Variants in NFKBID observed in about 807,000 individuals in gnomAD.
NFKBID encodes NFKB inhibitor delta, also known as NF-kappa-B inhibitor delta.
NFKBID carries 26 observed loss-of-function variants against 53.4 expected under a neutral mutation model. The observed-to-expected ratio is 0.49, with a 90% CI of 0.36 to 0.68. The LOEUF (loss-of-function observed/expected upper bound fraction) is 0.68. Ranked by LOEUF, NFKBID falls within the 30% of genes least tolerant of loss-of-function variation. The pLI is 0.00. For missense variants in NFKBID, 493 were observed against 614.1 expected (o/e 0.80, Z 2.08); for synonymous variants, 262 against 259.8 (o/e 1.01, Z -0.08).
exon 2 of NFKBID, chr19:35,898,814 C>G: frequency 3.3e-6 from 5 of 1,535,926 alleles, no homozygotes; most frequent in Non-Finnish European, 3.5e-6. Context: ...CTGCGCTCAC[C>G]CCTGCTCACT....
intron 9 of NFKBID, 140 bp downstream of exon 9, chr19:35,895,840 G>A: frequency 2.8e-6 from 2 of 722,312 alleles, no homozygotes; most frequent in Non-Finnish European, 2.3e-6. Context: ...AACCCCTAAG[G>A]CACAGAGAAG....
intron 9 of NFKBID, among the ~76,000 whole-genome samples, chr19:35,893,046 G>T (rs1172850512): frequency 2.0e-5 from 3 of 152,072 alleles, no homozygotes; most frequent in African/African-American, 7.2e-5. Flanking sequence ...GCTCATGCCT[G>T]TAGTCCCAGC....
upstream of NFKBID, chr19:35,900,692 A>G (rs900684445): frequency 8.4e-7 from 1 of 1,187,956 alleles, no homozygotes; most frequent in African/African-American, 1.6e-5. Flanking sequence ...GAGGCGGACT[A>G]CTCAGTCCCC....
At chr19:35,900,827 C>CTTTTTTTTTTTTTTTTTTTTTTTTTTT (rs60365058), upstream of NFKBID, among the ~76,000 whole-genome samples, 26 of 107,598 alleles carry the variant, frequency 2.4e-4, no homozygotes, top group Non-Finnish European at 3.5e-4. Context: ...TTTTTCTTTT[C>CTTTTTTTTTTTTTTTTTTTTTTTTTTT]TTTTTTTTTT....
At position 35,890,493 on chromosome 19, in the gene NFKBID, G is replaced by A. The variant is rs1289416719; in HGVS notation, c.1033-3C>T. ...ACTGTCTTGTTGCTCTTGATCTCCT[G>A]AGGGGAAGGGAATGGCAGAGGTCAG... On this transcript the variant is annotated splice_polypyrimidine_tract_variant and splice_region_variant and intron_variant, in intron 9 of 11. Coordinates refer to ENST00000641389, the Ensembl canonical transcript of NFKBID. The A allele has an allele frequency of 6.2e-7, 1 of 1,603,970 alleles. No individual in the cohort carries two copies. Among genetic ancestry groups the A allele is most frequent in the South Asian group, 1.1e-5 (1 of 90,886 alleles).
chr19:35,899,449 C>A (rs1302090279), intron 1 of NFKBID, among the ~76,000 whole-genome samples: 3 of 151,360 alleles, frequency 2.0e-5, no homozygotes, highest in Admixed American at 6.6e-5. Context: ...GCTGTATATC[C>A]CAGGTGAGGC....
At chr19:35,902,284 T>C (rs11878547), upstream of NFKBID, 26,716 of 708,174 alleles carry the variant, frequency 0.038, 1,638 homozygotes, top group African/African-American at 0.21. Context: ...ACACCCACAT[T>C]CATTTAATCA....
chr19:35,896,312 T>A lies in NFKBID; in HGVS notation c.832-43A>T, dbSNP rs770613906. Reference sequence around the variant, plus strand: ...CAGACTGCTGGGTAAGGGTATCCCCTGGCCTCCTGGCCCTGGAAGCCAAAA... The same window carrying A: ...CAGACTGCTGGGTAAGGGTATCCCCAGGCCTCCTGGCCCTGGAAGCCAAAA... On this transcript the variant is annotated intron_variant, in intron 7 of 11. Transcript: ENST00000641389. This position sits in a 1 kb window ranked among gnomAD's most constrained non-coding sequence, Gnocchi z 5.7. The A allele has an allele frequency of 4.3e-6, 7 of 1,613,826 alleles. No individual in the cohort carries two copies. Among genetic ancestry groups the A allele is most frequent in the Admixed American group, 3.3e-5 (2 of 59,988 alleles).
chr19:35,900,539 C>A, exon 1 of NFKBID: 1 of 1,231,718 alleles, frequency 8.1e-7, no homozygotes, highest in Non-Finnish European at 1.0e-6. Flanking sequence ...CGCCGGGTCC[C>A]CGATCTTGGG....
downstream of NFKBID, chr19:35,888,148 G>A (rs1427445273): frequency 5.8e-6 from 1 of 172,476 alleles, no homozygotes; most frequent in African/African-American, 2.4e-5. Context: ...CCCGGGGAGG[G>A]TGAGGAGGCC....
At chr19:35,895,415 G>A (rs1041177022) in intron 9 of NFKBID, among the ~76,000 whole-genome samples, 4 of 151,986 alleles carry the variant, frequency 2.6e-5, no homozygotes, top group African/African-American at 9.7e-5. Context: ...TTGAACCTGG[G>A]AGGCAGAGTT....
chr19:35,901,263 G>A (rs894414054), upstream of NFKBID, among the ~76,000 whole-genome samples: 1 of 152,126 alleles, frequency 6.6e-6, no homozygotes. Context: ...ACTGGGTCCA[G>A]AGGGAGGCAG....
chr19:35,895,229 A>G (rs1219891141), intron 9 of NFKBID, among the ~76,000 whole-genome samples: 1 of 151,268 alleles, frequency 6.6e-6, no homozygotes, highest in Admixed American at 6.6e-5. Context: ...TAATCGCAGC[A>G]CTTTGGGAGG....
In NFKBID at chr19:35,896,508, G is replaced by T; in HGVS notation, c.715C>A (p.Gln239Lys). 1 of 1,614,100 alleles carries T rather than the reference G, an allele frequency of 6.2e-7. No individual in the cohort carries two copies. The highest frequency in any genetic ancestry group is 8.5e-7 in the Non-Finnish European group (1 of 1,179,972). Residue 239 changes from glutamine to lysine, a missense_variant, in exon 7 of 12, where the codon CAG becomes AAG. Transcript: ENST00000641389. This position sits in a 1 kb window ranked among gnomAD's most constrained non-coding sequence, Gnocchi z 5.7. ...AACAGATCCTCCACAATCAGGGGCTGGTTGGCAGCAGCCGCCACCAGGAGA... is the reference window on the plus strand; with the variant it reads ...AACAGATCCTCCACAATCAGGGGCTTGTTGGCAGCAGCCGCCACCAGGAGA...
chr19:35,890,150 T>TGGGA, intron 10 of NFKBID, 96 bp from the exon 11 acceptor site: 1 of 1,313,478 alleles, frequency 7.6e-7, no homozygotes, highest in Non-Finnish European at 1.0e-6. Context: ...CGTCCTACAC[T>TGGGA]TGTCCTTTCA....
chr19:35,890,100 C>T, intron 10 of NFKBID, 46 bp from the exon 11 acceptor site: 1 of 1,548,456 alleles, frequency 6.5e-7, no homozygotes, highest in Non-Finnish European at 8.7e-7. Flanking sequence ...GCTCAGCTGG[C>T]CCAGGCCTCT....
exon 10 of NFKBID, chr19:35,890,472 T>C (rs1158429626): frequency 6.2e-7 from 1 of 1,613,236 alleles, no homozygotes; most frequent in Non-Finnish European, 8.5e-7. Flanking sequence ...TGCAGAACTG[T>C]CTTGTTGCTC....
upstream of NFKBID, among the ~76,000 whole-genome samples, chr19:35,900,974 A>G (rs1975542603): frequency 3.3e-5 from 5 of 151,834 alleles, 1 homozygote; most frequent in South Asian, 1.0e-3. Flanking sequence ...CTGACACTAC[A>G]GGTGCTGGAC....
intron 9 of NFKBID, among the ~76,000 whole-genome samples, chr19:35,895,600 G>A (rs538946835): frequency 4.6e-5 from 7 of 152,112 alleles, no homozygotes; most frequent in East Asian, 1.9e-4. Context: ...TCGGGAGTTC[G>A]AGACCAGCAA....
Sources: allele counts gnomAD v4.1 joint callset (sites outside exome capture counted in the v4.1 genomes callset), GRCh38; gene constraint gnomAD v4.1.1; non-coding constraint Gnocchi (gnomAD v3.1); transcripts MANE v1.5; gene names NCBI Gene and HGNC (gene_info 2026-07-23, HGNC 2026-07-21).